SOX6: variants seen among roughly 807,000 people sequenced by gnomAD.
The protein encoded by SOX6 is SRY-box transcription factor 6.
A neutral mutation model predicts 97.8 loss-of-function variants in SOX6; 11 were observed. The ratio of observed to expected loss-of-function variants is 0.11; its 90% CI spans 0.07 to 0.19. The LOEUF is 0.19. SOX6 is among the 10% of genes least tolerant of loss of function. SOX6 has a pLI of 1.00. For synonymous variants in SOX6, 360 were observed against 371.4 expected, an observed-to-expected ratio of 0.97 and a Z score of 0.35; for missense variants, 810 against 1,039.5, an observed-to-expected ratio of 0.78 and a Z score of 3.04.
At chr11:16,687,899 T>A (rs1378216934) in intron 3 of SOX6, among the ~76,000 whole-genome samples, 1 of 152,190 alleles carries the variant, frequency 6.6e-6, no homozygotes, top group African/African-American at 2.4e-5. Context: ...TGAAGTCAAT[T>A]ATTATTTTTA....
intron 4 of SOX6, among the ~76,000 whole-genome samples, chr11:16,548,759 C>T (rs933601359): frequency 4.6e-5 from 7 of 151,852 alleles, no homozygotes; most frequent in African/African-American, 1.7e-4. Flanking sequence ...ACCTATTGTA[C>T]AACATAGTGA....
chr11:16,630,678 C>G (rs1590021089), intron 3 of SOX6, among the ~76,000 whole-genome samples: 1 of 152,002 alleles, frequency 6.6e-6, no homozygotes, highest in African/African-American at 2.4e-5. Context: ...TGCTGACAGT[C>G]AGGGTGTTGA....
intron 8 of SOX6, among the ~76,000 whole-genome samples, chr11:16,096,668 C>T (rs945694852): frequency 6.6e-6 from 1 of 151,782 alleles, no homozygotes; most frequent in African/African-American, 2.4e-5. Flanking sequence ...GTTCAAGTCA[C>T]ATAGAGACTA....
intron 12 of SOX6, among the ~76,000 whole-genome samples, chr11:16,044,296 C>CA (rs1423909268): frequency 3.3e-5 from 5 of 151,936 alleles, no homozygotes; most frequent in African/African-American, 9.7e-5. Flanking sequence ...AGCAACACCA[C>CA]AAAAAATTAC....
intron 3 of SOX6, among the ~76,000 whole-genome samples, chr11:16,653,060 A>G (rs773220053): frequency 5.9e-5 from 9 of 152,216 alleles, no homozygotes; most frequent in Non-Finnish European, 1.0e-4. Flanking sequence ...TAAAACCTCA[A>G]TGAGCTACCA....
At chr11:16,727,433 CTTCT>C (rs942740516) in intron 2 of SOX6, among the ~76,000 whole-genome samples, 2 of 140,168 alleles carry the variant, frequency 1.4e-5, no homozygotes, top group Non-Finnish European at 3.1e-5. Flanking sequence ...ATATCACTTT[CTTCT>C]TTTTTTTTTT....
At chr11:16,218,273 G>A (rs1303923919) in intron 4 of SOX6, among the ~76,000 whole-genome samples, 1 of 152,032 alleles carries the variant, frequency 6.6e-6, no homozygotes, top group African/African-American at 2.4e-5. Context: ...AGATTAAAAT[G>A]TTAGACTAGA....
intron 1 of SOX6, among the ~76,000 whole-genome samples, chr11:16,363,813 A>T (rs75517733): frequency 6.6e-6 from 1 of 151,644 alleles, no homozygotes; most frequent in African/African-American, 2.4e-5. Flanking sequence ...AAAAAAAAAA[A>T]GTACGTTAGA....
intron 6 of SOX6, among the ~76,000 whole-genome samples, chr11:16,134,619 C>A (rs1034206593): frequency 3.3e-5 from 5 of 152,210 alleles, no homozygotes; most frequent in Admixed American, 6.5e-5. Flanking sequence ...ATTTCCAATT[C>A]TTTCTTATTA....
chr11:16,100,516 C>A (rs573020710), intron 7 of SOX6, among the ~76,000 whole-genome samples: 52 of 151,844 alleles, frequency 3.4e-4, no homozygotes, highest in African/African-American at 1.2e-3. Context: ...ATTTGCTTGA[C>A]ATTAGTTTCA....
chr11:16,440,815 C>G (rs1317632236), intron 1 of SOX6, among the ~76,000 whole-genome samples: 1 of 152,138 alleles, frequency 6.6e-6, no homozygotes, highest in African/African-American at 2.4e-5. Context: ...TAAGTGAAAT[C>G]TGCAAACACA....
intron 4 of SOX6, among the ~76,000 whole-genome samples, chr11:16,528,449 C>T (rs1364820502): frequency 6.6e-6 from 1 of 152,062 alleles, no homozygotes; most frequent in African/African-American, 2.4e-5. Context: ...GCTAGGGTCC[C>T]AGTCCACGAA....
chr11:16,069,979 C>T (rs959623635), intron 9 of SOX6, among the ~76,000 whole-genome samples: 12 of 151,984 alleles, frequency 7.9e-5, no homozygotes, highest in African/African-American at 2.7e-4. Context: ...ACACGTGAAA[C>T]CCCGTCTCTA....
intron 3 of SOX6, among the ~76,000 whole-genome samples, chr11:16,245,955 T>C (rs1163772792): frequency 6.6e-6 from 1 of 151,448 alleles, no homozygotes; most frequent in African/African-American, 2.4e-5. Context: ...AAGTCTACCA[T>C]CTTGCTATTT....
intron 8 of SOX6, among the ~76,000 whole-genome samples, chr11:16,096,621 A>G (rs1848802232): frequency 6.6e-6 from 1 of 151,852 alleles, no homozygotes. Context: ...ATTCAAAATG[A>G]TGTTTTTTCA....
intron 4 of SOX6, among the ~76,000 whole-genome samples, chr11:16,215,789 A>G (rs1287981700): frequency 6.6e-6 from 1 of 152,218 alleles, no homozygotes; most frequent in East Asian, 1.9e-4. Context: ...ATTCTCAAAA[A>G]AAGAAGTAAA....
At chr11:16,572,177 T>C (rs1427440791) in intron 4 of SOX6, among the ~76,000 whole-genome samples, 1 of 152,206 alleles carries the variant, frequency 6.6e-6, no homozygotes, top group Non-Finnish European at 1.5e-5. Flanking sequence ...TTACTATTAC[T>C]GTAGCAAAAG....
At chr11:16,478,030 T>C (rs1194489558), upstream of SOX6, among the ~76,000 whole-genome samples, 3 of 152,232 alleles carry the variant, frequency 2.0e-5, no homozygotes, top group African/African-American at 7.2e-5. Context: ...GTGTGTATTA[T>C]CCAAAACCAT....
intron 11 of SOX6, among the ~76,000 whole-genome samples, chr11:16,047,200 G>C (rs1462937660): frequency 6.6e-6 from 1 of 152,142 alleles, no homozygotes; most frequent in Non-Finnish European, 1.5e-5. Flanking sequence ...GTGTACTTTA[G>C]TGATATCTGT....
Sources: allele counts gnomAD v4.1 joint callset (sites outside exome capture counted in the v4.1 genomes callset), GRCh38; gene constraint gnomAD v4.1.1; transcripts MANE v1.5; gene names NCBI Gene and HGNC (gene_info 2026-07-23, HGNC 2026-07-21).